ACADL: variants seen among roughly 807,000 people sequenced by gnomAD.
ACADL encodes the protein acyl-CoA dehydrogenase long chain.
Under a neutral mutation model 56.9 loss-of-function variants are expected in ACADL, and 60 were observed. The ratio of observed to expected loss-of-function variants is 1.05; its 90% CI spans 0.86 to 1.31. ACADL has a LOEUF of 1.31. ACADL is among the 50% of genes most tolerant of loss of function. The pLI, the probability that ACADL is intolerant of heterozygous loss-of-function variation, is 0.00. For missense variants in ACADL, 484 were observed against 525.5 expected (o/e 0.92, Z 0.77); for synonymous variants, 158 against 179.7 (o/e 0.88, Z 0.97).
At chr2:210,194,670 T>G (rs1396432318) in intron 9 of ACADL, among the ~76,000 whole-genome samples, 4 of 152,186 alleles carry the variant, frequency 2.6e-5, no homozygotes. Context: ...CTTCCTGAAT[T>G]TTTTCTTAAA....
chr2:210,197,804 T>G (rs1435556409), intron 8 of ACADL, among the ~76,000 whole-genome samples: 1 of 152,184 alleles, frequency 6.6e-6, no homozygotes, highest in East Asian at 1.9e-4. Context: ...GAAGTAAAAC[T>G]TCAAACCAGA....
chr2:210,214,149 A>G (rs1377796506), intron 4 of ACADL, among the ~76,000 whole-genome samples: 6 of 152,190 alleles, frequency 3.9e-5, no homozygotes, highest in Non-Finnish European at 8.8e-5. Context: ...GAAACTCTGG[A>G]TGTTTTTCAA....
intron 1 of ACADL, among the ~76,000 whole-genome samples, chr2:210,224,024 G>A (rs1575684249): frequency 6.6e-6 from 1 of 151,862 alleles, no homozygotes; most frequent in East Asian, 1.9e-4. Flanking sequence ...TCAGGAGTTT[G>A]AGCCCAGCCT....
Position 210,188,255 on chromosome 2 carries a change from A to G in ACADL, c.*706T>C, listed in dbSNP as rs1688577529. 1 of 152,252 alleles carries G rather than the reference A, an allele frequency of 6.6e-6. No individual in the cohort carries two copies. The highest frequency in any genetic ancestry group is 6.5e-5 in the Admixed American group (1 of 15,284). 9.4% of individuals were successfully genotyped at this position (152,252 alleles called of 1,614,324 possible). Reference sequence around the variant, plus strand: ...CCTATAAAATGTACCAATATCTTGAAATTAAAAATGATGGATTATTCTGTG... The same window carrying G: ...CCTATAAAATGTACCAATATCTTGAGATTAAAAATGATGGATTATTCTGTG... On this transcript the variant is annotated 3_prime_UTR_variant, in exon 11 of 11. Transcript: ENST00000233710.
chr2:210,210,135 G>A (rs1356778937), intron 5 of ACADL, 61 bp downstream of exon 5: 2 of 1,236,274 alleles, frequency 1.6e-6, no homozygotes, highest in African/African-American at 2.9e-5. Context: ...TTGTCTTTGA[G>A]ACATTGTTAC....
chr2:210,206,526 GA>G (rs1181879376), intron 5 of ACADL, among the ~76,000 whole-genome samples: 1 of 152,086 alleles, frequency 6.6e-6, no homozygotes, highest in African/African-American at 2.4e-5. Context: ...ATCAGTTTTT[GA>G]AAAGGACTAT....
Position 210,188,928 on chromosome 2 carries a change from G to T in ACADL, c.*33C>A. 6.9e-7 allele frequency: 1 copy of T among 1,459,734 alleles called. No homozygotes were observed. The highest frequency in any genetic ancestry group is 9.6e-7 in the Non-Finnish European group (1 of 1,039,554). The allele number at this position is 1,459,734 out of a possible 1,614,324, so 90.4% of individuals were successfully genotyped here. On this transcript the variant is annotated 3_prime_UTR_variant, in exon 11 of 11. Transcript: ENST00000233710. ...CTTGAGCAGATTTAAAACGAGATTA[G>T]CTGTAATAGGACTCCAGGATGTGGG...
At chr2:210,198,797 G>A (rs1349231631) in intron 8 of ACADL, among the ~76,000 whole-genome samples, 2 of 152,086 alleles carry the variant, frequency 1.3e-5, no homozygotes, top group East Asian at 3.8e-4. Context: ...CTGGCAGATA[G>A]GGAGCAGTCA....
rs3768809 is a variant in ACADL, at chr2:210,197,404, A to C, written c.985-2066T>G. Among the ~76,000 whole-genome samples, 329 of 152,186 alleles carry C rather than the reference A, an allele frequency of 2.2e-3. 5 individuals carry two copies. The East Asian group carries it at 0.026, about 12-fold the overall frequency. The stretch of plus-strand genomic sequence containing the variant: ...TCCATTTCTATTCATCATATATTTA[A>C]TTAGGTCAAATATCTACCCTTTAAT... On this transcript the variant is annotated intron_variant, in intron 8 of 10. Coordinates refer to ENST00000233710, the MANE Select transcript of ACADL (RefSeq NM_001608.4).
Position 210,209,196 on chromosome 2 carries a change from T to G in ACADL, c.603+1000A>C, listed in dbSNP as rs575684990. Among the ~76,000 whole-genome samples, 27 of 152,360 alleles carry G rather than the reference T, an allele frequency of 1.8e-4. No homozygotes were observed. In the East Asian group the frequency reaches 3.7e-3, roughly 21 times the overall value. On this transcript the variant is annotated intron_variant, in intron 5 of 10. Coordinates refer to ENST00000233710, the MANE Select transcript of ACADL (RefSeq NM_001608.4). The stretch of plus-strand genomic sequence containing the variant: ...AAATACAGAGATAATAGCCCAAACT[T>G]ATAAAAACTAATTCTTCAACAGACC...
rs1688583527 is a variant in ACADL at position 210,188,633 on chromosome 2, T to G, written c.*328A>C. On this transcript the variant is annotated 3_prime_UTR_variant, in exon 11 of 11. Coordinates refer to ENST00000233710, the MANE Select transcript of ACADL (RefSeq NM_001608.4). Reference sequence around the variant, plus strand: ...TTTTTATACTATAGCGACATAAAATTATTTCTGCCTTGGTTTGAAGATTTG... The same window carrying G: ...TTTTTATACTATAGCGACATAAAATGATTTCTGCCTTGGTTTGAAGATTTG... 1 of 243,134 alleles carries G rather than the reference T, an allele frequency of 4.1e-6. No individual in the cohort carries two copies. The highest frequency in any genetic ancestry group is 2.3e-5 in the African/African-American group (1 of 43,510). 15.1% of individuals were successfully genotyped at this position (243,134 alleles called of 1,614,324 possible). A position where few individuals can be genotyped will look rare whatever the true frequency, so the allele number is the denominator to read the frequency against.
In ACADL at chr2:210,216,703, G is replaced by A. The variant is rs1458249907; in HGVS notation, c.372-192C>T. ...AATTTCTGGTTCCAACACAATAACAGTGGTCTACCAGAGTTCAATGAACAC... is the reference window on the plus strand; with the variant it reads ...AATTTCTGGTTCCAACACAATAACAATGGTCTACCAGAGTTCAATGAACAC... On this transcript the variant is annotated intron_variant, in intron 3 of 10. Transcript: ENST00000233710. 7.1e-6 allele frequency: 4 copies of A among 561,276 alleles called. No homozygotes were observed. The East Asian group carries it at 1.3e-4, about 18-fold the overall frequency. The allele number at this position is 561,276 out of a possible 1,614,324, so 34.8% of individuals were successfully genotyped here.
chr2:210,222,845 T>G (rs571004969), intron 1 of ACADL, among the ~76,000 whole-genome samples: 60 of 152,332 alleles, frequency 3.9e-4, no homozygotes, highest in African/African-American at 1.3e-3. Flanking sequence ...AACATCTACT[T>G]TATCCCTATA....
intron 8 of ACADL, among the ~76,000 whole-genome samples, chr2:210,198,968 TA>T (rs1688753682): frequency 6.6e-6 from 1 of 152,096 alleles, no homozygotes; most frequent in Non-Finnish European, 1.5e-5. Flanking sequence ...AAAAAGAAAA[TA>T]AATTTTGTGA....
At chr2:210,212,513 T>C (rs547971356) in intron 4 of ACADL, among the ~76,000 whole-genome samples, 1 of 152,162 alleles carries the variant, frequency 6.6e-6, no homozygotes, top group East Asian at 1.9e-4. Context: ...GATACCTTGA[T>C]TTGGGCCCAA....
At chr2:210,199,811 C>A (rs1233019199) in intron 8 of ACADL, among the ~76,000 whole-genome samples, 1 of 152,082 alleles carries the variant, frequency 6.6e-6, no homozygotes, top group Non-Finnish European at 1.5e-5. Flanking sequence ...ATAGTGAGAT[C>A]TCAGCTCACT....
At chr2:210,205,963 T>C (rs1443739104) in intron 5 of ACADL, among the ~76,000 whole-genome samples, 167 bp from the exon 6 acceptor site, 1 of 152,182 alleles carries the variant, frequency 6.6e-6, no homozygotes, top group Non-Finnish European at 1.5e-5. Context: ...TCACACATGA[T>C]GTTATCAAGG....
intron 9 of ACADL, among the ~76,000 whole-genome samples, chr2:210,193,996 T>C (rs1379719606): frequency 2.0e-5 from 3 of 152,186 alleles, no homozygotes; most frequent in African/African-American, 7.2e-5. Flanking sequence ...GGGACAATAA[T>C]ATTTGGATTT....
intron 8 of ACADL, among the ~76,000 whole-genome samples, chr2:210,202,290 A>G (rs1559635729): frequency 6.6e-6 from 1 of 152,004 alleles, no homozygotes; most frequent in Non-Finnish European, 1.5e-5. Flanking sequence ...ACAGGGTTTC[A>G]CCATGTTGGC....
Sources: allele counts gnomAD v4.1 joint callset (sites outside exome capture counted in the v4.1 genomes callset), GRCh38; gene constraint gnomAD v4.1.1; transcripts MANE v1.5; gene names NCBI Gene and HGNC (gene_info 2026-07-23, HGNC 2026-07-21).